The following ZFPM2 variants were observed in gnomAD, a reference collection of about 807,000 sequenced individuals.
The protein encoded by ZFPM2 is zinc finger protein ZFPM2.
ZFPM2 carries 20 observed loss-of-function variants against 98.6 expected under a neutral mutation model. The observed-to-expected ratio is 0.20, with a 90% CI of 0.14 to 0.29. The LOEUF is 0.29. Ranked by LOEUF, ZFPM2 falls within the 10% of genes least tolerant of loss-of-function variation. ZFPM2 has a pLI of 1.00. For synonymous variants in ZFPM2, 518 were observed against 502.7 expected (o/e 1.03, Z -0.41); for missense variants, 1,310 against 1,388.6 (o/e 0.94, Z 0.90).
chr8:105,408,224 G>A (rs1436403463), intron 1 of ZFPM2, among the ~76,000 whole-genome samples: 2 of 151,836 alleles, frequency 1.3e-5, no homozygotes, highest in Non-Finnish European at 2.9e-5. Context: ...TAAAATTATA[G>A]CTATGTCGAG....
intron 4 of ZFPM2, among the ~76,000 whole-genome samples, chr8:105,576,274 A>AT (rs540354204): frequency 1.7e-4 from 26 of 150,700 alleles, no homozygotes; most frequent in East Asian, 1.2e-3. Context: ...TGATGCTGAG[A>AT]TTTTTTTTTT....
intron 4 of ZFPM2, among the ~76,000 whole-genome samples, chr8:105,580,960 A>G (rs1815582776): frequency 6.6e-6 from 1 of 151,936 alleles, no homozygotes; most frequent in African/African-American, 2.4e-5. Context: ...TTACATTGTT[A>G]TCTCTATTTT....
intron 2 of ZFPM2, among the ~76,000 whole-genome samples, chr8:105,429,267 G>A (rs758529532): frequency 8.6e-5 from 13 of 151,944 alleles, no homozygotes; most frequent in Non-Finnish European, 1.9e-4. Context: ...CCAATACTGA[G>A]AACCTATGTT....
chr8:105,729,817 T>A (rs993051580), intron 5 of ZFPM2, among the ~76,000 whole-genome samples: 17 of 151,692 alleles, frequency 1.1e-4, no homozygotes, highest in African/African-American at 3.9e-4. Context: ...TCAAGTGAAT[T>A]TGTTTTTCAT....
At chr8:105,577,937 T>C (rs1815503971) in intron 4 of ZFPM2, among the ~76,000 whole-genome samples, 1 of 152,056 alleles carries the variant, frequency 6.6e-6, no homozygotes. Flanking sequence ...TAATAAATGT[T>C]TGCAATTTTA....
chr8:105,646,449 C>T (rs4734884), intron 5 of ZFPM2, among the ~76,000 whole-genome samples: 127,509 of 152,048 alleles, frequency 0.84, 53,759 homozygotes, highest in African/African-American at 0.93. Flanking sequence ...TATCTGACCT[C>T]CTATCCTGTC....
intron 1 of ZFPM2, among the ~76,000 whole-genome samples, chr8:105,406,337 A>G (rs944629460): frequency 3.9e-5 from 6 of 152,100 alleles, no homozygotes; most frequent in African/African-American, 1.4e-4. Context: ...TGTTTTAAAC[A>G]TGAAGTCCTT....
intron 1 of ZFPM2, among the ~76,000 whole-genome samples, chr8:105,410,145 G>A (rs1276576307): frequency 6.6e-6 from 1 of 151,808 alleles, no homozygotes; most frequent in Non-Finnish European, 1.5e-5. Flanking sequence ...TATTAATTTA[G>A]AAGAAAAAAG....
At chr8:105,626,596 A>ATG (rs1247056738) in intron 4 of ZFPM2, among the ~76,000 whole-genome samples, 1 of 151,906 alleles carries the variant, frequency 6.6e-6, no homozygotes, top group Non-Finnish European at 1.5e-5. Context: ...GGGCAAGGAA[A>ATG]TGTGTGTGCG....
chr8:105,730,212 G>T (rs527288287), intron 5 of ZFPM2, among the ~76,000 whole-genome samples: 29 of 151,578 alleles, frequency 1.9e-4, no homozygotes, highest in Non-Finnish European at 3.5e-4. Context: ...CAATGCTCTG[G>T]CTTATAGGAG....
intron 3 of ZFPM2, among the ~76,000 whole-genome samples, chr8:105,533,479 T>C (rs1300182135): frequency 1.3e-5 from 2 of 152,160 alleles, no homozygotes; most frequent in East Asian, 3.8e-4. Context: ...CTTATGTATC[T>C]GGAAGAGTAC....
chr8:105,547,213 T>G (rs1814726612), intron 3 of ZFPM2, among the ~76,000 whole-genome samples: 2 of 152,078 alleles, frequency 1.3e-5, no homozygotes, highest in Non-Finnish European at 2.9e-5. Flanking sequence ...ATTTTCTACT[T>G]TATTCTGGAT....
chr8:105,600,485 T>C (rs1204999530), intron 4 of ZFPM2, among the ~76,000 whole-genome samples: 1 of 152,130 alleles, frequency 6.6e-6, no homozygotes, highest in African/African-American at 2.4e-5. Flanking sequence ...ATTGTCTTTG[T>C]ATCTGACAAA....
At chr8:105,653,956 A>G (rs1817235291) in intron 5 of ZFPM2, among the ~76,000 whole-genome samples, 1 of 139,520 alleles carries the variant, frequency 7.2e-6, no homozygotes, top group Non-Finnish European at 1.5e-5. Context: ...GCTCTACTCT[A>G]CTTAATGGGA....
intron 3 of ZFPM2, among the ~76,000 whole-genome samples, chr8:105,511,863 A>G (rs1264571576): frequency 6.6e-6 from 1 of 152,128 alleles, no homozygotes; most frequent in Non-Finnish European, 1.5e-5. Context: ...AAGGCACCAC[A>G]GGTCAGACGG....
chr8:105,342,928 T>A (rs987965039), intron 1 of ZFPM2, among the ~76,000 whole-genome samples: 4 of 151,764 alleles, frequency 2.6e-5, no homozygotes, highest in African/African-American at 7.3e-5. Flanking sequence ...CCAAAAAAAA[T>A]AATAATAAGT....
chr8:105,603,590 C>T (rs1266692446), intron 4 of ZFPM2, among the ~76,000 whole-genome samples: 1 of 152,002 alleles, frequency 6.6e-6, no homozygotes, highest in Non-Finnish European at 1.5e-5. Context: ...GTAATATTAT[C>T]TATGTTTAGA....
rs7835881 is a variant in ZFPM2 at position 105,781,671 on chromosome 8, G to A, written c.533-7047G>A. ...AGACAGAGGTTGCAGTGAGCTGAGCGGTGACTGCCACTGCACTCCAGCCTG... is the reference window on the plus strand; with the variant it reads ...AGACAGAGGTTGCAGTGAGCTGAGCAGTGACTGCCACTGCACTCCAGCCTG... On this transcript the variant is annotated intron_variant, in intron 5 of 7. Coordinates refer to ENST00000407775, the MANE Select transcript of ZFPM2 (RefSeq NM_012082.4). 3.6e-3 allele frequency among the ~76,000 whole-genome samples: 547 copies of A among 152,164 alleles called. 4 individuals are homozygous for A. The highest frequency in any genetic ancestry group is 0.012 in the African/African-American group (515 of 41,498).
chr8:105,693,980 CTTTT>C (rs376834507), intron 5 of ZFPM2, among the ~76,000 whole-genome samples: 1 of 118,412 alleles, frequency 8.4e-6, no homozygotes, highest in Non-Finnish European at 1.7e-5. Flanking sequence ...TTTTTCTTTT[CTTTT>C]TTTTTTTTTT....
Sources: gnomAD v4.1 joint callset for allele counts (sites outside exome capture counted in the v4.1 genomes callset) on GRCh38, gnomAD v4.1.1 for gene constraint, MANE v1.5 for transcripts, NCBI Gene and HGNC (gene_info 2026-07-23, HGNC 2026-07-21) for gene names.